The following USP32 variants were observed in gnomAD, a reference collection of about 807,000 sequenced individuals.
USP32 encodes ubiquitin carboxyl-terminal hydrolase 32.
USP32 carries 59 observed loss-of-function variants against 204.8 expected under a neutral mutation model. The ratio of observed to expected loss-of-function variants is 0.29; its 90% CI spans 0.23 to 0.36. The LOEUF (loss-of-function observed/expected upper bound fraction) is 0.36, where lower values mean the gene tolerates loss of function less well. Among genes scored for constraint, USP32 ranks in the 10% least tolerant of loss-of-function variants. The probability of loss-of-function intolerance (pLI) is 1.00; values close to 1 mark genes in which losing one functional copy is unlikely to be tolerated. For missense variants in USP32, 1,160 were observed against 1,946.4 expected (o/e 0.60, Z 7.60); for synonymous variants, 517 against 678.4 (o/e 0.76, Z 3.70).
intron 1 of USP32, among the ~76,000 whole-genome samples, chr17:60,413,876 G>GAAAAAAAAAAAAAA (rs753405307): frequency 3.2e-5 from 3 of 95,104 alleles, no homozygotes; most frequent in African/African-American, 7.7e-5. Context: ...AAAAAAAAAA[G>GAAAAAAAAAAAAAA]AAAAAAAAAA....
At chr17:60,221,950 T>A (rs1388690661) in intron 15 of USP32, among the ~76,000 whole-genome samples, 7 of 152,226 alleles carry the variant, frequency 4.6e-5, no homozygotes, top group Non-Finnish European at 1.5e-5. Context: ...TATTCTGTTA[T>A]CATATGTTGT....
chr17:60,324,982 A>G (rs945359504), intron 2 of USP32, among the ~76,000 whole-genome samples: 2 of 152,238 alleles, frequency 1.3e-5, no homozygotes, highest in African/African-American at 2.4e-5. Context: ...CAGTCTGGGC[A>G]ACAAGAGCGA....
rs2084354457 is a variant in USP32, at chr17:60,190,555, ATACT to A, written c.3642+4_3642+7del. 1 of 1,566,582 alleles carries A rather than the reference ATACT, an allele frequency of 6.4e-7. No homozygotes were observed. Among genetic ancestry groups the A allele is most frequent in the Non-Finnish European group, 8.6e-7 (1 of 1,163,566 alleles). On this transcript the variant is annotated splice_donor_5th_base_variant and intron_variant, in intron 29 of 33. Coordinates refer to ENST00000300896, the MANE Select transcript of USP32 (RefSeq NM_032582.4). Reference sequence around the variant, plus strand: ...AACCACCATTTTATGGTGGCCCTAAATACTTACCCTTTCCTGGGATGTTTGATAG... The same window carrying A: ...AACCACCATTTTATGGTGGCCCTAAATACCCTTTCCTGGGATGTTTGATAG...
chr17:60,235,573 TGTA>T, intron 12 of USP32, among the ~76,000 whole-genome samples: 2 of 152,280 alleles, frequency 1.3e-5, no homozygotes, highest in South Asian at 4.1e-4. Flanking sequence ...TGGCAATGAG[TGTA>T]TATATCAGTT....
At chr17:60,225,845 TCAGGAGGCTGA>T (rs2085369391) in intron 13 of USP32, among the ~76,000 whole-genome samples, 183 bp downstream of exon 13, 1 of 151,306 alleles carries the variant, frequency 6.6e-6, no homozygotes, top group Admixed American at 6.6e-5. Context: ...TCGCAGCTAC[TCAGGAGGCTGA>T]GGCAGGACAA....
chr17:60,382,506 C>T (rs2146117375), intron 1 of USP32, among the ~76,000 whole-genome samples: 1 of 151,394 alleles, frequency 6.6e-6, no homozygotes, highest in Non-Finnish European at 1.5e-5. Flanking sequence ...AAACAAAAGA[C>T]TAAGAAAAGA....
upstream of USP32, among the ~76,000 whole-genome samples, chr17:60,392,984 G>T (rs2089866600): frequency 6.7e-6 from 1 of 150,296 alleles, no homozygotes; most frequent in South Asian, 2.3e-4. Context: ...GTAACAAAAT[G>T]TACCATTTTC....
intron 1 of USP32, among the ~76,000 whole-genome samples, chr17:60,381,738 C>T (rs2089650983): frequency 6.6e-6 from 1 of 152,182 alleles, no homozygotes; most frequent in Admixed American, 6.5e-5. Context: ...CCTCTTATCT[C>T]TCCTATTACT....
At chr17:60,293,427 AAAAC>A (rs1439937696) in intron 4 of USP32, among the ~76,000 whole-genome samples, 4 of 152,236 alleles carry the variant, frequency 2.6e-5, no homozygotes, top group Non-Finnish European at 5.9e-5. Context: ...ATGGGGGAAA[AAAAC>A]AAACAAATCA....
At chr17:60,195,238 G>C (rs2084481264) in intron 27 of USP32, among the ~76,000 whole-genome samples, 1 of 152,224 alleles carries the variant, frequency 6.6e-6, no homozygotes, top group Non-Finnish European at 1.5e-5. Context: ...GCAATTCCCA[G>C]TCCTCTGTAG....
At position 60,181,680 on chromosome 17, in the gene USP32, T is replaced by G. The variant is rs563193783; in HGVS notation, c.4192A>C (p.Ser1398Arg). 1 of 1,613,068 alleles carries G rather than the reference T, an allele frequency of 6.2e-7. No individual in the cohort carries two copies. Among genetic ancestry groups the G allele is most frequent in the South Asian group, 1.1e-5 (1 of 91,024 alleles). ...PSSKNSSPNS[S>R]PRTLGRSKGR... ...TTGCTCCTCCCCAAAGTCCGTGGGC[T>G]GCTATTAGGGCTGCTGTTTTTGCTG... Residue 1398 changes from serine to arginine, a missense_variant, in exon 32 of 34, where the codon AGC becomes CGC. By Grantham distance (110) the Ser-to-Arg change is moderately radical. This residue lies in a region of USP32 where 244 missense variants were observed against 342.3 expected (regional missense o/e 0.71). Coordinates refer to ENST00000300896, the MANE Select transcript of USP32 (RefSeq NM_032582.4).
At position 60,295,820 on chromosome 17, in the gene USP32, A is replaced by G. The variant is rs77416668; in HGVS notation, c.293-1019T>C. 9.5e-3 allele frequency among the ~76,000 whole-genome samples: 1,442 copies of G among 152,280 alleles called. 33 individuals carry two copies. Among genetic ancestry groups the G allele is most frequent in the African/African-American group, 0.033 (1,386 of 41,558 alleles). ...TTAAATTAATCTTTATCATAGATAC[A>G]TATGTATAGGAAGAAACGGTATATA... is the stretch of plus-strand genomic sequence containing the variant. On this transcript the variant is annotated intron_variant, in intron 3 of 33. Coordinates refer to ENST00000300896, the MANE Select transcript of USP32 (RefSeq NM_032582.4).
chr17:60,321,441 A>G (rs1277952588), intron 2 of USP32, among the ~76,000 whole-genome samples: 2 of 152,176 alleles, frequency 1.3e-5, no homozygotes, highest in African/African-American at 2.4e-5. Flanking sequence ...TCAGAATCTC[A>G]TAACACAATA....
chr17:60,223,800 C>T (rs2085316378), intron 13 of USP32, among the ~76,000 whole-genome samples: 1 of 152,062 alleles, frequency 6.6e-6, no homozygotes, highest in Non-Finnish European at 1.5e-5. Flanking sequence ...AAATTATTAC[C>T]AAATGAACAT....
At chr17:60,325,256 A>T (rs568121671) in intron 2 of USP32, among the ~76,000 whole-genome samples, 1 of 152,014 alleles carries the variant, frequency 6.6e-6, no homozygotes, top group African/African-American at 2.4e-5. Context: ...TCTACAAAAA[A>T]TACAAAAATT....
chr17:60,310,000 T>C (rs2087816297), intron 2 of USP32, among the ~76,000 whole-genome samples: 1 of 150,924 alleles, frequency 6.6e-6, no homozygotes, highest in Admixed American at 6.6e-5. Flanking sequence ...GCCGAGATTG[T>C]GCCACTGCAC....
chr17:60,211,949 C>T, intron 19 of USP32, 75 bp downstream of exon 19: 3 of 1,289,478 alleles, frequency 2.3e-6, no homozygotes, highest in Non-Finnish European at 2.1e-6. Flanking sequence ...GTTGTTAGCA[C>T]TTTAACAGTT....
In USP32 at chr17:60,301,354, T is replaced by C. The variant is rs2087568551; in HGVS notation, c.292+245A>G. On this transcript the variant is annotated intron_variant, in intron 3 of 33. Transcript: ENST00000300896. ...GGGTTACAATTTTTCCACATCTTCCTCAACACTTATTATCAGGCTTTTTAC... is the reference window on the plus strand; with the variant it reads ...GGGTTACAATTTTTCCACATCTTCCCCAACACTTATTATCAGGCTTTTTAC... 1.1e-5 allele frequency: 3 copies of C among 280,956 alleles called. No homozygotes were observed. In the South Asian group the frequency reaches 1.6e-4, roughly 15 times the overall value. 17.4% of individuals were successfully genotyped at this position (280,956 alleles called of 1,614,324 possible). A position where few individuals can be genotyped will look rare whatever the true frequency, so the allele number is the denominator to read the frequency against.
At chr17:60,267,204 G>A (rs1443630165) in intron 7 of USP32, among the ~76,000 whole-genome samples, 2 of 151,556 alleles carry the variant, frequency 1.3e-5, no homozygotes, top group African/African-American at 2.4e-5. Context: ...TCAGGAGCTC[G>A]AGACCAGCCT....
Sources: allele counts gnomAD v4.1 joint callset (sites outside exome capture counted in the v4.1 genomes callset), GRCh38; gene constraint gnomAD v4.1.1; regional missense constraint gnomAD v4.1.1; transcripts MANE v1.5; gene names NCBI Gene and HGNC (gene_info 2026-07-23, HGNC 2026-07-21).